Variants in TRIT1 observed in about 807,000 individuals in gnomAD.
The protein encoded by TRIT1 is tRNA isopentenyltransferase 1.
Under a neutral mutation model 51.2 loss-of-function variants are expected in TRIT1, and 43 were observed. That is an observed-to-expected ratio of 0.84 (90% CI 0.66 to 1.08). TRIT1 has a LOEUF of 1.08. TRIT1 is among the 50% of genes least tolerant of loss of function. The probability of loss-of-function intolerance (pLI) is 0.00; values close to 1 mark genes in which losing one functional copy is unlikely to be tolerated. For synonymous variants in TRIT1, 184 were observed against 203.9 expected (o/e 0.90, Z 0.83); for missense variants, 528 against 578.4 (o/e 0.91, Z 0.89).
chr1:39,861,246 G>A (rs979910972), intron 1 of TRIT1, among the ~76,000 whole-genome samples: 10 of 152,106 alleles, frequency 6.6e-5, no homozygotes, highest in Admixed American at 1.3e-4. Context: ...TGGCAGTTTC[G>A]GGAAGGGCAA....
intron 1 of TRIT1, among the ~76,000 whole-genome samples, chr1:39,874,468 G>T (rs1643981439): frequency 6.6e-6 from 1 of 152,034 alleles, no homozygotes; most frequent in Non-Finnish European, 1.5e-5. Context: ...AGTGTTAAAA[G>T]AAAATAGAAT....
chr1:39,861,307 G>T (rs539188862), intron 1 of TRIT1, among the ~76,000 whole-genome samples: 1 of 152,092 alleles, frequency 6.6e-6, no homozygotes, highest in East Asian at 1.9e-4. Context: ...GGCAGACCCA[G>T]GAGTTCAAAA....
intron 1 of TRIT1, among the ~76,000 whole-genome samples, chr1:39,863,885 G>A (rs1643387561): frequency 6.6e-6 from 1 of 152,136 alleles, no homozygotes; most frequent in Admixed American, 6.5e-5. Context: ...CCAGACCCAT[G>A]GTTCTCAATT....
At position 39,847,281 on chromosome 1, in the gene TRIT1, T is replaced by A. The variant is rs1331817895; in HGVS notation, c.945A>T (p.Lys315Asn). The change falls in exon 8 of 11, where the codon AAA becomes AAT. Residue 315 changes from lysine to asparagine, a missense_variant. Lys to Asn is a moderately conservative substitution (Grantham distance 94). Coordinates refer to ENST00000316891, the MANE Select transcript of TRIT1 (RefSeq NM_017646.6). ...QLLKKGIEAL[K>N]QVTKRYARKQ... is the part of the protein sequence containing the mutation. ...TCCGGGCATATCTCTTAGTTACTTG[T>A]TTCAGAGCCTCAATACCTGAAAGAT... The A allele has an allele frequency of 6.2e-7, 1 of 1,614,080 alleles. No homozygotes were observed. Among genetic ancestry groups the A allele is most frequent in the African/African-American group, 1.3e-5 (1 of 74,918 alleles).
In TRIT1 at chr1:39,841,863, ATCT is replaced by A. The variant is rs774705540; in HGVS notation, c.1282_1284del (p.Arg428del). On this transcript the variant is annotated inframe_deletion, in exon 11 of 11. Coordinates refer to ENST00000316891, the MANE Select transcript of TRIT1 (RefSeq NM_017646.6). ...ATGGTGTTGACAGCATCTGAGTCCA[ATCT>A]TCTTCTTTTCTTCAGTTGGTTCAAG... 9.9e-6 allele frequency: 16 copies of A among 1,613,936 alleles called. No individual in the cohort carries two copies. The Middle Eastern group carries it at 4.9e-4, about 50-fold the overall frequency.
chr1:39,883,355 C>T lies in TRIT1; in HGVS notation c.137G>A (p.Arg46Gln), dbSNP rs1197052621. 6.2e-7 allele frequency: 1 copy of T among 1,612,296 alleles called. No individual in the cohort carries two copies. The highest frequency in any genetic ancestry group is 1.3e-5 in the African/African-American group (1 of 74,974). The change falls in exon 1 of 11, where the codon CGG becomes CAG. Residue 46 changes from arginine to glutamine, a missense_variant. Transcript: ENST00000316891. ...KSTLALQLGQ[R>Q]LGGEIVSADS... ...AGCGCTGACGATCTCACCGCCGAGC[C>T]GCTGGCCTAGCTGCAACGCCAGCGT...
chr1:39,852,420 CCAGA>C, intron 4 of TRIT1: 2 of 248,720 alleles, frequency 8.0e-6, no homozygotes, highest in Non-Finnish European at 1.5e-5. Context: ...AAACTGCATG[CCAGA>C]AAAAATGTAT....
rs1244022424 is a variant in TRIT1, at chr1:39,883,472, G to A, written c.20C>T (p.Ala7Val). 1.9e-6 allele frequency: 3 copies of A among 1,595,768 alleles called. No individual in the cohort carries two copies. The highest frequency in any genetic ancestry group is 1.1e-5 in the South Asian group (1 of 90,706). ...CCCACTGCCCACGGGAACTGCTCGT[G>A]CAGCCGCCACGGACGCCATCTTATG... Reference protein sequence around the residue: MASVAAARAVPVGSGLR... With the variant: MASVAAVRAVPVGSGLR... Residue 7 changes from alanine to valine, a missense_variant, in exon 1 of 11, where the codon GCA becomes GTA. Physicochemically the swap from Ala to Val is moderately conservative, Grantham distance 64. Around this residue, in one of 3 missense-constraint regions of TRIT1, gnomAD observed 55 missense variants for 37.0 expected, o/e 1.49. Transcript: ENST00000316891.
At chr1:39,860,351 T>C (rs940968125) in intron 1 of TRIT1, among the ~76,000 whole-genome samples, 7 of 152,234 alleles carry the variant, frequency 4.6e-5, no homozygotes, top group African/African-American at 1.2e-4. Flanking sequence ...ACATATAATA[T>C]GGTTTTATGG....
At chr1:39,847,144 AT>A in intron 8 of TRIT1, 75 bp downstream of exon 8, 1 of 1,253,944 alleles carries the variant, frequency 8.0e-7, no homozygotes. Context: ...TCTAAAATTC[AT>A]TTTCTGGGTG....
At chr1:39,869,952 CT>C (rs1441068257) in intron 1 of TRIT1, among the ~76,000 whole-genome samples, 1 of 151,938 alleles carries the variant, frequency 6.6e-6, no homozygotes, top group Non-Finnish European at 1.5e-5. Context: ...CTCTGCCTGG[CT>C]GCCCCGTCTG....
chr1:39,877,827 G>A (rs576884689), intron 1 of TRIT1, among the ~76,000 whole-genome samples: 1 of 152,274 alleles, frequency 6.6e-6, no homozygotes, highest in Admixed American at 6.5e-5. Flanking sequence ...GTGATCTCTA[G>A]ACAGCTCTTT....
chr1:39,847,364 T>C (rs1569980614), intron 7 of TRIT1, 67 bp from the exon 8 acceptor site: 1 of 1,522,218 alleles, frequency 6.6e-7, no homozygotes, highest in Non-Finnish European at 9.1e-7. Flanking sequence ...AGGCAGGCCC[T>C]CCCAGCCCAG....
At chr1:39,869,841 T>C (rs1009170115) in intron 1 of TRIT1, among the ~76,000 whole-genome samples, 99 of 151,888 alleles carry the variant, frequency 6.5e-4, no homozygotes, top group Non-Finnish European at 1.0e-3. Flanking sequence ...AGCCGCCCCG[T>C]CTGGGAAGTG....
At chr1:39,868,644 CAA>C (rs60152365) in intron 1 of TRIT1, among the ~76,000 whole-genome samples, 17 of 89,790 alleles carry the variant, frequency 1.9e-4, no homozygotes, top group Non-Finnish European at 2.3e-4. Context: ...AACTTCCTCT[CAA>C]AAAAAAAAAA....
intron 4 of TRIT1, among the ~76,000 whole-genome samples, chr1:39,851,705 G>A (rs1385783587): frequency 6.6e-6 from 1 of 152,086 alleles, no homozygotes; most frequent in Admixed American, 6.5e-5. Context: ...CACTTCGGTA[G>A]GCTGAGGCAG....
chr1:39,877,219 A>G (rs915873332), intron 1 of TRIT1, among the ~76,000 whole-genome samples: 1 of 151,406 alleles, frequency 6.6e-6, no homozygotes, highest in African/African-American at 2.4e-5. Context: ...TACAGAGGCC[A>G]GGTGGGGTAG....
chr1:39,866,225 T>G (rs993681683), intron 1 of TRIT1, among the ~76,000 whole-genome samples: 1 of 151,964 alleles, frequency 6.6e-6, no homozygotes, highest in Non-Finnish European at 1.5e-5. Context: ...CAGGCTAGAG[T>G]GCAGTGGCAT....
At chr1:39,874,548 A>G (rs1444811936) in intron 1 of TRIT1, among the ~76,000 whole-genome samples, 1 of 152,226 alleles carries the variant, frequency 6.6e-6, no homozygotes, top group African/African-American at 2.4e-5. Context: ...AAATATATAT[A>G]CAAATGTCTG....
Sources: allele counts gnomAD v4.1 joint callset (sites outside exome capture counted in the v4.1 genomes callset), GRCh38; gene constraint gnomAD v4.1.1; regional missense constraint gnomAD v4.1.1; transcripts MANE v1.5; gene names NCBI Gene and HGNC (gene_info 2026-07-23, HGNC 2026-07-21).